Variants in LRP1B observed in about 807,000 individuals in gnomAD.
The protein encoded by LRP1B is low-density lipoprotein receptor-related protein 1B.
Under a neutral mutation model 556.6 loss-of-function variants are expected in LRP1B, and 217 were observed. The ratio of observed to expected loss-of-function variants is 0.39; its 90% confidence interval spans 0.35 to 0.44. The LOEUF (loss-of-function observed/expected upper bound fraction) is 0.44. Among genes scored for constraint, LRP1B ranks in the 20% least tolerant of loss-of-function variants. LRP1B has a pLI of 1.00. For synonymous variants in LRP1B, 2,047 were observed against 1,865.8 expected (o/e 1.10, Z -2.50); for missense variants, 5,053 against 5,620.8 (o/e 0.90, Z 3.23).
intron 7 of LRP1B, among the ~76,000 whole-genome samples, chr2:141,116,690 T>C (rs2104983863): frequency 6.6e-6 from 1 of 151,808 alleles, no homozygotes; most frequent in East Asian, 1.9e-4. Context: ...ATGTATTTGA[T>C]TTCCTTGAAG....
chr2:140,647,455 T>C (rs1214728461), intron 41 of LRP1B, among the ~76,000 whole-genome samples: 2 of 152,160 alleles, frequency 1.3e-5, no homozygotes, highest in African/African-American at 4.8e-5. Flanking sequence ...TAAATTGACA[T>C]GTAATTTATC....
chr2:140,272,663 CAG>C (rs1434807482), intron 85 of LRP1B, among the ~76,000 whole-genome samples: 3 of 151,842 alleles, frequency 2.0e-5, no homozygotes, highest in African/African-American at 4.8e-5. Context: ...ACCTATAAAA[CAG>C]AAATTCTAAC....
At chr2:140,233,884 G>T (rs1680578377) in intron 90 of LRP1B, among the ~76,000 whole-genome samples, 1 of 151,150 alleles carries the variant, frequency 6.6e-6, no homozygotes, top group African/African-American at 2.4e-5. Flanking sequence ...AATATTTTTG[G>T]ACTTTTTCAA....
intron 68 of LRP1B, among the ~76,000 whole-genome samples, chr2:140,374,376 T>A (rs1487995472): frequency 1.3e-5 from 2 of 152,166 alleles, no homozygotes; most frequent in Non-Finnish European, 2.9e-5. Context: ...CCCAGGTTCA[T>A]CCCCATATAA....
At chr2:141,606,680 C>A (rs1209516258) in intron 2 of LRP1B, among the ~76,000 whole-genome samples, 1 of 152,070 alleles carries the variant, frequency 6.6e-6, no homozygotes, top group Non-Finnish European at 1.5e-5. Context: ...ACAGGAAAAA[C>A]CATGTGAAGA....
intron 66 of LRP1B, among the ~76,000 whole-genome samples, chr2:140,427,665 C>T (rs971010986): frequency 3.0e-4 from 46 of 152,116 alleles, no homozygotes; most frequent in African/African-American, 1.0e-3. Flanking sequence ...ATCGGTCCAT[C>T]CCTGGTCTCT....
intron 3 of LRP1B, among the ~76,000 whole-genome samples, chr2:141,284,647 A>C (rs1685637889): frequency 6.6e-6 from 1 of 152,236 alleles, no homozygotes; most frequent in South Asian, 2.1e-4. Context: ...TTTTGTGTGT[A>C]GTATAAACAG....
At chr2:141,510,740 A>T (rs1684097802) in intron 2 of LRP1B, among the ~76,000 whole-genome samples, 1 of 151,894 alleles carries the variant, frequency 6.6e-6, no homozygotes, top group South Asian at 2.1e-4. Context: ...CATTTCCATC[A>T]TGTTGCCTGC....
intron 1 of LRP1B, among the ~76,000 whole-genome samples, chr2:141,991,214 A>G (rs992408017): frequency 4.6e-5 from 7 of 152,042 alleles, no homozygotes; most frequent in African/African-American, 1.7e-4. Flanking sequence ...TGTAACACAA[A>G]CATTTGTTCT....
chr2:140,927,793 G>A (rs917485315), intron 20 of LRP1B, among the ~76,000 whole-genome samples: 1 of 145,150 alleles, frequency 6.9e-6, no homozygotes, highest in Non-Finnish European at 1.5e-5. Context: ...TGCAACCTCT[G>A]CCTCCCGGGT....
intron 31 of LRP1B, among the ~76,000 whole-genome samples, chr2:140,818,936 C>CAAAAAAAAA (rs543167243): frequency 2.8e-4 from 29 of 102,898 alleles, no homozygotes; most frequent in African/African-American, 1.1e-3. Flanking sequence ...GACTCTGTCT[C>CAAAAAAAAA]AAAAAAAAAA....
At chr2:142,003,048 G>A (rs896551070) in intron 1 of LRP1B, among the ~76,000 whole-genome samples, 1 of 152,156 alleles carries the variant, frequency 6.6e-6, no homozygotes, top group African/African-American at 2.4e-5. Flanking sequence ...GATGATTAGA[G>A]AGCATATCAA....
intron 43 of LRP1B, among the ~76,000 whole-genome samples, chr2:140,542,768 G>C (rs1680184782): frequency 6.6e-6 from 1 of 152,204 alleles, no homozygotes; most frequent in African/African-American, 2.4e-5. Context: ...TATCTCACTG[G>C]GCAGAGGGTC....
intron 2 of LRP1B, among the ~76,000 whole-genome samples, chr2:141,577,045 AAATTT>A (rs1686778988): frequency 6.6e-6 from 1 of 152,136 alleles, no homozygotes; most frequent in Admixed American, 6.6e-5. Context: ...TTTAGACATT[AAATTT>A]AAGTTATAAG....
intron 27 of LRP1B, among the ~76,000 whole-genome samples, chr2:140,865,928 C>T (rs545619052): frequency 3.3e-5 from 5 of 152,164 alleles, no homozygotes; most frequent in Non-Finnish European, 7.4e-5. Context: ...TTGAGAGTAT[C>T]GTGGTTCTTC....
chr2:140,457,689 G>C (rs2105324575), intron 60 of LRP1B, 38 bp from the exon 61 acceptor site: 5 of 1,504,634 alleles, frequency 3.3e-6, no homozygotes, highest in Non-Finnish European at 4.6e-6. Flanking sequence ...TTCAGTCTTG[G>C]AAGACTGCCA....
chr2:140,414,906 G>C (rs965470943), intron 66 of LRP1B, among the ~76,000 whole-genome samples: 3 of 152,142 alleles, frequency 2.0e-5, no homozygotes, highest in Non-Finnish European at 4.4e-5. Context: ...TTCTTGCAGA[G>C]AGCCTATAAA....
chr2:140,270,422 T>C (rs151070034), intron 85 of LRP1B, 76 bp from the exon 86 acceptor site: 2 of 950,666 alleles, frequency 2.1e-6, no homozygotes, highest in Non-Finnish European at 3.4e-6. Flanking sequence ...ATAAACTCTC[T>C]GTGGATGAGA....
chr2:141,369,505 A>G (rs1689152897), intron 3 of LRP1B, among the ~76,000 whole-genome samples: 1 of 152,154 alleles, frequency 6.6e-6, no homozygotes, highest in Non-Finnish European at 1.5e-5. Flanking sequence ...TTTTGTCTCA[A>G]TTTTTAAACC....
Sources: gnomAD v4.1 joint callset for allele counts (sites outside exome capture counted in the v4.1 genomes callset) on GRCh38, gnomAD v4.1.1 for gene constraint, MANE v1.5 for transcripts, NCBI Gene and HGNC (gene_info 2026-07-23, HGNC 2026-07-21) for gene names.